ACSF3: variants seen among roughly 807,000 people sequenced by gnomAD.
ACSF3 encodes the protein acyl-CoA synthetase family member 3.
In ACSF3, 78 loss-of-function variants were observed where a neutral mutation model predicts 53.2. That is an observed-to-expected ratio of 1.47 (90% CI 1.22 to 1.77). ACSF3 has a LOEUF of 1.77. ACSF3 is among the 40% of genes most tolerant of loss of function. The probability of loss-of-function intolerance (pLI) is 0.00; values close to 1 mark genes in which losing one functional copy is unlikely to be tolerated. For synonymous variants in ACSF3, 414 were observed against 333.1 expected (o/e 1.24, Z -2.65); for missense variants, 937 against 771.1 (o/e 1.22, Z -2.55).
intron 4 of ACSF3, among the ~76,000 whole-genome samples, chr16:89,110,779 G>A (rs1234481707): frequency 6.6e-6 from 1 of 152,180 alleles, no homozygotes; most frequent in Non-Finnish European, 1.5e-5. Context: ...GAGTGTTCCC[G>A]TCTGCGAGCC....
chr16:89,118,751 T>C (rs529157677), intron 6 of ACSF3, among the ~76,000 whole-genome samples: 8 of 152,286 alleles, frequency 5.3e-5, no homozygotes, highest in African/African-American at 1.9e-4. Context: ...GACAGGGAGC[T>C]CCAGGGCCTC....
rs746564011 is a variant in ACSF3 at position 89,100,837 on chromosome 16, C to T, written c.156C>T (p.Ala52=). The T allele has an allele frequency of 1.2e-5, 19 of 1,613,348 alleles. No individual in the cohort carries two copies. The East Asian group carries it at 4.0e-4, about 34-fold the overall frequency. ...RSAPVFTRAL[A]FGDRIALVDQ... ...CCCCGGTGTTCACCCGTGCCCTGGCCTTTGGGGACAGAATCGCCCTGGTTG... is the reference window on the plus strand; with the variant it reads ...CCCCGGTGTTCACCCGTGCCCTGGCTTTTGGGGACAGAATCGCCCTGGTTG... The change falls in exon 3 of 11, where the codon GCC becomes GCT. Residue 52 remains alanine (A), a synonymous_variant. Coordinates refer to ENST00000614302, the MANE Select transcript of ACSF3 (RefSeq NM_001243279.3).
At chr16:89,144,438 C>A (rs1003373971) in intron 8 of ACSF3, among the ~76,000 whole-genome samples, 12 of 152,236 alleles carry the variant, frequency 7.9e-5, no homozygotes, top group African/African-American at 2.9e-4. Flanking sequence ...AGGAAAGGCC[C>A]TGTCCTCCTC....
At chr16:89,117,270 C>T (rs1024242471) in intron 6 of ACSF3, among the ~76,000 whole-genome samples, 2 of 152,202 alleles carry the variant, frequency 1.3e-5, no homozygotes, top group Non-Finnish European at 1.5e-5. Context: ...ACAGCCCCTG[C>T]GATGGGGTCA....
intron 10 of ACSF3, 48 bp from the exon 11 acceptor site, chr16:89,154,042 C>G: frequency 6.3e-7 from 1 of 1,586,404 alleles, no homozygotes; most frequent in Non-Finnish European, 8.6e-7. Flanking sequence ...GTTCCTCCTG[C>G]TGGGCACTGT....
chr16:89,137,408 C>T (rs1910795911), intron 8 of ACSF3, among the ~76,000 whole-genome samples: 1 of 146,186 alleles, frequency 6.8e-6, no homozygotes, highest in Non-Finnish European at 1.5e-5. Flanking sequence ...CCGGGAGGAC[C>T]ACCAGGAGCT....
intron 1 of ACSF3, among the ~76,000 whole-genome samples, chr16:89,096,466 G>C (rs1974628597): frequency 6.6e-6 from 1 of 152,202 alleles, no homozygotes; most frequent in East Asian, 1.9e-4. Context: ...GCAGGGCTCT[G>C]ATCCGATGAC....
At position 89,109,514 on chromosome 16, in the gene ACSF3, C is replaced by T. The variant is rs150889143; in HGVS notation, c.823-2578C>T. 3.0e-3 allele frequency among the ~76,000 whole-genome samples: 441 copies of T among 147,648 alleles called. 5 individuals carry two copies. The highest frequency in any genetic ancestry group is 9.4e-3 in the Admixed American group (135 of 14,342). On this transcript the variant is annotated intron_variant, in intron 4 of 10. Coordinates refer to ENST00000614302, the MANE Select transcript of ACSF3 (RefSeq NM_001243279.3). ...GCAATCTCCGCCTCCTGGGTTCAAGCGCTTCTCCTGCCTCAGCCATCTCAG... is the reference window on the plus strand; with the variant it reads ...GCAATCTCCGCCTCCTGGGTTCAAGTGCTTCTCCTGCCTCAGCCATCTCAG...
rs868319897 is a variant in ACSF3 at position 89,096,058 on chromosome 16, C to T, written c.-194+2062C>T. On this transcript the variant is annotated intron_variant, in intron 1 of 10. Transcript: ENST00000614302. Reference sequence around the variant, plus strand: ...TGGCTAGAACACCGAGAGGTCCTGCCTCCCTCCCCGAGGGCTGGAGAGCCA... The same window carrying T: ...TGGCTAGAACACCGAGAGGTCCTGCTTCCCTCCCCGAGGGCTGGAGAGCCA... Among the ~76,000 whole-genome samples the T allele has an allele frequency of 7.2e-5, 11 of 152,156 alleles. No homozygotes were observed. The East Asian group carries it at 1.5e-3, about 21-fold the overall frequency.
At chr16:89,131,895 C>T (rs995780419) in intron 7 of ACSF3, among the ~76,000 whole-genome samples, 3 of 152,276 alleles carry the variant, frequency 2.0e-5, no homozygotes, top group East Asian at 1.9e-4. Flanking sequence ...CGGAAAGCCC[C>T]GTCACCATGT....
At chr16:89,094,680 G>C (rs1365583208) in intron 1 of ACSF3, among the ~76,000 whole-genome samples, 2 of 152,168 alleles carry the variant, frequency 1.3e-5, no homozygotes. Context: ...ATCACTTGTG[G>C]CCAGGAGTTC....
At chr16:89,110,473 C>T (rs906469924) in intron 4 of ACSF3, among the ~76,000 whole-genome samples, 2 of 152,188 alleles carry the variant, frequency 1.3e-5, no homozygotes, top group Admixed American at 1.3e-4. Context: ...GATATCTGTG[C>T]ATTCGTTTAT....
At chr16:89,100,635 C>CA in intron 2 of ACSF3, 27 bp from the exon 3 acceptor site, 2 of 757,230 alleles carry the variant, frequency 2.6e-6, no homozygotes, top group South Asian at 1.5e-5. Flanking sequence ...GTTGGGCACT[C>CA]ACGTCCTGTG....
At chr16:89,126,581 CTGT>C (rs1908154775) in intron 7 of ACSF3, among the ~76,000 whole-genome samples, 1 of 152,184 alleles carries the variant, frequency 6.6e-6, no homozygotes. Context: ...GTTTTTGTTG[CTGT>C]TGTTAGTTTT....
chr16:89,154,634 C>G lies in ACSF3; in HGVS notation c.*427C>G, dbSNP rs977575487. 3 of 454,688 alleles carry G rather than the reference C, an allele frequency of 6.6e-6. No individual in the cohort carries two copies. The highest frequency in any genetic ancestry group is 1.3e-5 in the Non-Finnish European group (3 of 227,290). The allele number at this position is 454,688 out of a possible 1,614,324, so 28.2% of individuals were successfully genotyped here. A position where few individuals can be genotyped will look rare whatever the true frequency, so the allele number is the denominator to read the frequency against. On this transcript the variant is annotated 3_prime_UTR_variant, in exon 11 of 11. Coordinates refer to ENST00000614302, the MANE Select transcript of ACSF3 (RefSeq NM_001243279.3). ...GCACGTGCCTGTGCCTCACCCAGAG[C>G]CAGTGTCTCCCGGCCCACATAGGAG...
chr16:89,128,248 TA>T (rs1337312982), intron 7 of ACSF3, among the ~76,000 whole-genome samples: 2 of 149,994 alleles, frequency 1.3e-5, no homozygotes, highest in Admixed American at 1.3e-4. Flanking sequence ...AATATATATA[TA>T]TTTTTTTCTT....
At chr16:89,109,504 T>C (rs1976436794) in intron 4 of ACSF3, among the ~76,000 whole-genome samples, 2 of 138,664 alleles carry the variant, frequency 1.4e-5, no homozygotes, top group African/African-American at 5.3e-5. Context: ...CTCCGCCTCC[T>C]GGGTTCAAGC....
intron 8 of ACSF3, among the ~76,000 whole-genome samples, chr16:89,139,164 G>A (rs1352676748): frequency 6.6e-6 from 1 of 152,194 alleles, no homozygotes; most frequent in Non-Finnish European, 1.5e-5. Flanking sequence ...AGACACTGAG[G>A]TTTTTCCTCT....
chr16:89,101,192 A>T lies in ACSF3; in HGVS notation c.511A>T (p.Thr171Ser). 6.2e-7 allele frequency: 1 copy of T among 1,609,070 alleles called. No individual in the cohort carries two copies. Among genetic ancestry groups the T allele is most frequent in the Non-Finnish European group, 8.5e-7 (1 of 1,177,946 alleles). The change falls in exon 3 of 11, where the codon ACA becomes TCA. Residue 171 changes from threonine (T) to serine (S), a missense_variant. Transcript: ENST00000614302. ...RKLGVPLLPL[T>S]PAIYTGAVEE... ...GCTGGGGGTCCCGCTGCTGCCGCTC[A>T]CACCAGCCATCTACACTGGAGCAGT...
Sources: allele counts gnomAD v4.1 joint callset (sites outside exome capture counted in the v4.1 genomes callset), GRCh38; gene constraint gnomAD v4.1.1; transcripts MANE v1.5; gene names NCBI Gene and HGNC (gene_info 2026-07-23, HGNC 2026-07-21).